MSRA: variants seen among roughly 807,000 people sequenced by gnomAD.
The protein encoded by MSRA is mitochondrial peptide methionine sulfoxide reductase.
In MSRA, 54 loss-of-function variants were observed where a neutral mutation model predicts 31.3. The observed-to-expected ratio is 1.73, with a 90% CI of 1.39 to 2.17. MSRA has a LOEUF of 2.17. Ranked by LOEUF, MSRA falls within the 30% of genes most tolerant of loss-of-function variation. The pLI is 0.00. For synonymous variants in MSRA, 169 were observed against 116.5 expected (o/e 1.45, Z -2.90); for missense variants, 507 against 300.9 (o/e 1.69, Z -5.07).
chr8:10,312,532 G>A (rs1019164464), intron 4 of MSRA, among the ~76,000 whole-genome samples: 3 of 152,198 alleles, frequency 2.0e-5, no homozygotes, highest in Admixed American at 2.0e-4. Flanking sequence ...CAAGAGATTA[G>A]AGAGAGATGC....
intron 5 of MSRA, among the ~76,000 whole-genome samples, chr8:10,385,627 A>G (rs1169081794): frequency 6.6e-6 from 1 of 152,162 alleles, no homozygotes; most frequent in Non-Finnish European, 1.5e-5. Context: ...CCCAGAGTTC[A>G]GTGGGGGACA....
chr8:10,244,976 C>T (rs1178179908), intron 2 of MSRA, 128 bp from the exon 3 acceptor site: 10 of 641,494 alleles, frequency 1.6e-5, no homozygotes, highest in Admixed American at 1.4e-4. Context: ...AAATCTTAGT[C>T]ATTTTTGGTT....
At chr8:10,143,587 G>A (rs1239135300) in intron 1 of MSRA, among the ~76,000 whole-genome samples, 1 of 152,058 alleles carries the variant, frequency 6.6e-6, no homozygotes, top group East Asian at 1.9e-4. Flanking sequence ...ACCCCGGGTC[G>A]CTCCCTGTCA....
rs547989085 is a variant in MSRA at position 10,117,116 on chromosome 8, G to T, written c.142+62458G>T. Among the ~76,000 whole-genome samples, 3 of 152,210 alleles carry T rather than the reference G, an allele frequency of 2.0e-5. No individual in the cohort carries two copies. The East Asian group carries it at 5.8e-4, about 29-fold the overall frequency. On this transcript the variant is annotated intron_variant, in intron 1 of 5. Coordinates refer to ENST00000317173, the MANE Select transcript of MSRA (RefSeq NM_012331.5). ...CCTGAAATGGCAGCTCATATTTCTT[G>T]GCCTCATGCTTTCTAGGAGTCCTCT...
At chr8:10,237,387 G>A (rs983862113) in intron 2 of MSRA, among the ~76,000 whole-genome samples, 3 of 152,124 alleles carry the variant, frequency 2.0e-5, no homozygotes, top group African/African-American at 2.4e-5. Context: ...GACATTTGTA[G>A]GTCAATTATA....
At chr8:10,196,771 C>T (rs1808029049) in intron 1 of MSRA, among the ~76,000 whole-genome samples, 1 of 151,470 alleles carries the variant, frequency 6.6e-6, no homozygotes. Context: ...GGGGTTTCAC[C>T]ATGTTGGCCA....
intron 1 of MSRA, among the ~76,000 whole-genome samples, chr8:10,173,577 T>C (rs991624473): frequency 1.3e-5 from 2 of 152,096 alleles, no homozygotes; most frequent in African/African-American, 4.8e-5. Context: ...TCTCCAGGCA[T>C]CTCCCTGACA....
chr8:10,113,292 C>CTTTTTTTTTTGTTTTTTT (rs1800429483), intron 1 of MSRA, among the ~76,000 whole-genome samples: 2 of 57,596 alleles, frequency 3.5e-5, no homozygotes, highest in Non-Finnish European at 5.8e-5. Flanking sequence ...GACAGGTCTT[C>CTTTTTTTTTTGTTTTTTT]TTTTTTTTTT....
chr8:10,160,573 C>T (rs929397760), intron 1 of MSRA, among the ~76,000 whole-genome samples: 23 of 151,854 alleles, frequency 1.5e-4, no homozygotes, highest in African/African-American at 2.7e-4. Flanking sequence ...TTATTTTTTC[C>T]GTTTCATGAA....
intron 5 of MSRA, among the ~76,000 whole-genome samples, chr8:10,362,508 G>T (rs1389500815): frequency 6.6e-6 from 1 of 151,278 alleles, no homozygotes; most frequent in Non-Finnish European, 1.5e-5. Context: ...TAAGGCTGTG[G>T]GTGGTGGAAC....
chr8:10,377,557 C>A (rs1805824804), intron 5 of MSRA, among the ~76,000 whole-genome samples: 1 of 152,144 alleles, frequency 6.6e-6, no homozygotes, highest in African/African-American at 2.4e-5. Context: ...CATATTTTTA[C>A]CCAGAAGTGT....
At chr8:10,062,867 C>A (rs1797278795) in intron 1 of MSRA, among the ~76,000 whole-genome samples, 1 of 152,154 alleles carries the variant, frequency 6.6e-6, no homozygotes, top group African/African-American at 2.4e-5. Context: ...TAGTGAGGCA[C>A]TGAGTTGTCA....
In MSRA at chr8:10,396,857, C is replaced by G. The variant is rs568972943; in HGVS notation, c.544-31291C>G. ...CTTACGCGAGATCTGTTGAGTAAAG[C>G]CTTCCCTGAGCCTCCCAGCCAGAAT... is the stretch of plus-strand genomic sequence containing the variant. On this transcript the variant is annotated intron_variant, in intron 5 of 5. Coordinates refer to ENST00000317173, the MANE Select transcript of MSRA (RefSeq NM_012331.5). 2.6e-5 allele frequency among the ~76,000 whole-genome samples: 4 copies of G among 152,278 alleles called. No homozygotes were observed. The South Asian group carries it at 8.3e-4, about 32-fold the overall frequency.
At chr8:10,388,825 C>T (rs951992341) in intron 5 of MSRA, among the ~76,000 whole-genome samples, 1 of 151,744 alleles carries the variant, frequency 6.6e-6, no homozygotes, top group Non-Finnish European at 1.5e-5. Flanking sequence ...GCTGGTTTGA[C>T]CTACTAGATG....
At chr8:10,175,184 G>A (rs1267033270) in intron 1 of MSRA, among the ~76,000 whole-genome samples, 2 of 152,042 alleles carry the variant, frequency 1.3e-5, no homozygotes, top group East Asian at 3.9e-4. Flanking sequence ...CTCATGAGAT[G>A]CCACGATGGT....
intron 5 of MSRA, among the ~76,000 whole-genome samples, chr8:10,377,969 T>G (rs1014373474): frequency 2.6e-5 from 4 of 152,240 alleles, no homozygotes; most frequent in African/African-American, 9.6e-5. Context: ...ACTCCCACAC[T>G]GGGAGCTCTG....
At chr8:10,129,149 C>T (rs752585528) in intron 1 of MSRA, among the ~76,000 whole-genome samples, 6 of 152,120 alleles carry the variant, frequency 3.9e-5, no homozygotes, top group Non-Finnish European at 7.4e-5. Flanking sequence ...TTCTGAGTGA[C>T]GGAGACTCTG....
At chr8:10,239,184 A>T (rs567518902) in intron 2 of MSRA, among the ~76,000 whole-genome samples, 1 of 151,332 alleles carries the variant, frequency 6.6e-6, no homozygotes, top group South Asian at 2.1e-4. Flanking sequence ...TTTTTTTAAG[A>T]TGGAGTTTTG....
In MSRA at chr8:10,071,367, G is replaced by A. The variant is rs117689577; in HGVS notation, c.142+16709G>A. 4.6e-3 allele frequency among the ~76,000 whole-genome samples: 705 copies of A among 152,062 alleles called. 2 individuals are homozygous for A. The highest frequency in any genetic ancestry group is 5.8e-3 in the Non-Finnish European group (391 of 67,984). On this transcript the variant is annotated intron_variant, in intron 1 of 5. Transcript: ENST00000317173. ...TTGAATTATTGCTTTACTCTTCAGC[G>A]GAGTCTTTTATATATTCTCATTACT...
Sources: allele counts gnomAD v4.1 joint callset (sites outside exome capture counted in the v4.1 genomes callset), GRCh38; gene constraint gnomAD v4.1.1; transcripts MANE v1.5; gene names NCBI Gene and HGNC (gene_info 2026-07-23, HGNC 2026-07-21).